C9: variants seen among roughly 807,000 people sequenced by gnomAD.
The protein encoded by C9 is complement component C9.
C9 carries 63 observed loss-of-function variants against 65.4 expected under a neutral mutation model. The ratio of observed to expected loss-of-function variants is 0.96; its 90% CI spans 0.79 to 1.19. C9 has a LOEUF of 1.19. Among genes scored for constraint, C9 ranks in the 50% most tolerant of loss-of-function variants. The probability of loss-of-function intolerance (pLI) is 0.00; values close to 1 mark genes in which losing one functional copy is unlikely to be tolerated. For missense variants in C9, 744 were observed against 670.1 expected, an observed-to-expected ratio of 1.11 and a Z score of -1.22; for synonymous variants, 229 against 227.9, an observed-to-expected ratio of 1.00 and a Z score of -0.04.
At chr5:39,338,085 G>A (rs1319172679) in intron 4 of C9, among the ~76,000 whole-genome samples, 2 of 152,178 alleles carry the variant, frequency 1.3e-5, no homozygotes, top group Non-Finnish European at 2.9e-5. Context: ...TTAATGGTAT[G>A]AAAGAATATT....
At chr5:39,337,582 G>A (rs1345643886) in intron 4 of C9, among the ~76,000 whole-genome samples, 1 of 152,258 alleles carries the variant, frequency 6.6e-6, no homozygotes. Flanking sequence ...AGAACCACGG[G>A]CAGTTCCAAT....
chr5:39,331,190 G>C (rs1753832740), intron 5 of C9, among the ~76,000 whole-genome samples: 1 of 152,162 alleles, frequency 6.6e-6, no homozygotes, highest in South Asian at 2.1e-4. Context: ...GTGTTGTGTA[G>C]AGTAAAAATC....
At chr5:39,290,478 C>A (rs201682985) in intron 9 of C9, among the ~76,000 whole-genome samples, 1 of 139,830 alleles carries the variant, frequency 7.2e-6, no homozygotes, top group African/African-American at 2.5e-5. Flanking sequence ...AACAAACAAA[C>A]AAAAACAAAA....
At chr5:39,303,095 T>C (rs1262525142) in intron 9 of C9, among the ~76,000 whole-genome samples, 1 of 152,204 alleles carries the variant, frequency 6.6e-6, no homozygotes, top group Non-Finnish European at 1.5e-5. Context: ...AATCTTTATA[T>C]CTTCCAGGCA....
intron 7 of C9, among the ~76,000 whole-genome samples, chr5:39,310,354 C>T (rs555560649): frequency 2.0e-5 from 3 of 152,272 alleles, no homozygotes; most frequent in South Asian, 2.1e-4. Context: ...GCATCCATCA[C>T]CTCCTTAAGG....
intron 4 of C9, among the ~76,000 whole-genome samples, chr5:39,335,805 G>A (rs116278319): frequency 0.016 from 2,354 of 151,734 alleles, 26 homozygotes; most frequent in African/African-American, 0.023. Flanking sequence ...CATTAAAAGA[G>A]TTTTAGAAGA....
rs76346980 is a variant in C9 at position 39,309,311 on chromosome 5, T to C, written c.1112-953A>G. 7.9e-3 allele frequency among the ~76,000 whole-genome samples: 1,201 copies of C among 152,140 alleles called. 12 individuals are homozygous for C. Among genetic ancestry groups the C allele is most frequent in the African/African-American group, 0.027 (1,139 of 41,510 alleles). On this transcript the variant is annotated intron_variant, in intron 7 of 10. Transcript: ENST00000263408. Reference sequence around the variant, plus strand: ...ATACACACGAATTTGTGATTATTTGTTCTGGGAGTCAAAATGCTTTATGAA... The same window carrying C: ...ATACACACGAATTTGTGATTATTTGCTCTGGGAGTCAAAATGCTTTATGAA...
At chr5:39,299,315 ATC>A (rs1413589617) in intron 9 of C9, among the ~76,000 whole-genome samples, 1 of 152,038 alleles carries the variant, frequency 6.6e-6, no homozygotes, top group Non-Finnish European at 1.5e-5. Context: ...TGACCAAGCA[ATC>A]TCTCTCCTAG....
rs745883875 is a variant in C9, at chr5:39,341,615, G to A, written c.269C>T (p.Pro90Leu). 51 of 1,613,316 alleles carry A rather than the reference G, an allele frequency of 3.2e-5. No individual in the cohort carries two copies. The highest frequency in any genetic ancestry group is 4.2e-5 in the Non-Finnish European group (49 of 1,179,364). ...DAVGDRRQCV[P>L]TEPCEDAEDD... The stretch of plus-strand genomic sequence containing the variant: ...CTCAGCATCCTCACAGGGCTCTGTG[G>A]GCACACACTGTCGTCTGTCTCCCAC... Residue 90 changes from proline to leucine, a missense_variant, in exon 3 of 11, where the codon CCC becomes CTC. Coordinates refer to ENST00000263408, the MANE Select transcript of C9 (RefSeq NM_001737.5).
intron 1 of C9, among the ~76,000 whole-genome samples, chr5:39,349,194 AAC>A (rs1462229749): frequency 6.6e-6 from 1 of 151,658 alleles, no homozygotes; most frequent in Non-Finnish European, 1.5e-5. Context: ...AAAAAAAAAA[AAC>A]ACAGAAAAGA....
intron 9 of C9, among the ~76,000 whole-genome samples, chr5:39,291,266 AAAG>A (rs902324996): frequency 2.9e-4 from 44 of 151,994 alleles, no homozygotes; most frequent in African/African-American, 1.0e-3. Context: ...GATTTGAAAA[AAAG>A]AAACAAATAT....
intron 5 of C9, among the ~76,000 whole-genome samples, chr5:39,329,431 G>T (rs1482856665): frequency 6.6e-6 from 1 of 152,098 alleles, no homozygotes; most frequent in African/African-American, 2.4e-5. Context: ...TATAGATAAA[G>T]AAACTGAGGC....
Position 39,288,732 on chromosome 5 carries a change from T to G in C9, c.1636A>C (p.Ile546Leu). Residue 546 changes from isoleucine (I) to leucine (L), a missense_variant, in exon 10 of 11, where the codon ATT (isoleucine) becomes CTT (leucine). Coordinates refer to ENST00000263408, the MANE Select transcript of C9 (RefSeq NM_001737.5). ...GIACEISKQK[I>L]SEGLPALEFP... is the part of the protein sequence containing the mutation. ...AATAAATTGTCCTCACCTTCAGAAA[T>G]TTTTTGTTTACTGATTTCACAGGCA... The G allele has an allele frequency of 6.2e-7, 1 of 1,601,666 alleles. No homozygotes were observed. Among genetic ancestry groups the G allele is most frequent in the Non-Finnish European group, 8.6e-7 (1 of 1,169,164 alleles).
At chr5:39,355,777 G>A (rs1754404612) in intron 1 of C9, among the ~76,000 whole-genome samples, 1 of 152,170 alleles carries the variant, frequency 6.6e-6, no homozygotes, top group Non-Finnish European at 1.5e-5. Context: ...AGATATGGTT[G>A]TGTTGACTCC....
intron 1 of C9, among the ~76,000 whole-genome samples, chr5:39,355,392 T>C (rs1331042111): frequency 6.6e-6 from 1 of 152,240 alleles, no homozygotes; most frequent in Non-Finnish European, 1.5e-5. Context: ...GCAATAATAA[T>C]AGGACCTCGT....
intron 1 of C9, among the ~76,000 whole-genome samples, chr5:39,355,082 T>C (rs1754391783): frequency 6.6e-6 from 1 of 152,220 alleles, no homozygotes; most frequent in South Asian, 2.1e-4. Context: ...TAGATGAATA[T>C]GTTAACATTT....
At chr5:39,327,716 C>T (rs143130871) in intron 5 of C9, among the ~76,000 whole-genome samples, 1 of 151,994 alleles carries the variant, frequency 6.6e-6, no homozygotes, top group East Asian at 1.9e-4. Context: ...GATTTGCATG[C>T]AATCAGAATA....
chr5:39,356,209 A>G (rs947759408), intron 1 of C9, among the ~76,000 whole-genome samples: 2 of 152,174 alleles, frequency 1.3e-5, no homozygotes, highest in African/African-American at 4.8e-5. Context: ...ATAGATGGGA[A>G]ACTAAAAATG....
At chr5:39,289,794 G>A (rs955448827) in intron 9 of C9, among the ~76,000 whole-genome samples, 1 of 151,794 alleles carries the variant, frequency 6.6e-6, no homozygotes, top group African/African-American at 2.4e-5. Flanking sequence ...AAAGGCATAT[G>A]TAAATTATAT....
Sources: gnomAD v4.1 joint callset for allele counts (sites outside exome capture counted in the v4.1 genomes callset) on GRCh38, gnomAD v4.1.1 for gene constraint, MANE v1.5 for transcripts, NCBI Gene and HGNC (gene_info 2026-07-23, HGNC 2026-07-21) for gene names.